PABPC4L: variants seen among roughly 807,000 people sequenced by gnomAD.
The protein encoded by PABPC4L is poly(A) binding protein cytoplasmic 4 like, also known as polyadenylate-binding protein 4-like.
For missense variants in PABPC4L, 452 were observed against 451.4 expected (o/e 1.00, Z -0.01); for synonymous variants, 169 against 164.1 (o/e 1.03, Z -0.23).
chr4:133,970,080 A>C, the PABPC4L span, among the ~76,000 whole-genome samples: 1 of 147,468 alleles, frequency 6.8e-6, no homozygotes, highest in East Asian at 1.9e-4. Context: ...TAAAAAATAT[A>C]TATATTTAAA....
the PABPC4L span, among the ~76,000 whole-genome samples, chr4:134,131,286 T>C: frequency 6.6e-6 from 1 of 151,968 alleles, no homozygotes; most frequent in Admixed American, 6.6e-5. Context: ...ATCATATACC[T>C]AGGAAATCCT....
chr4:133,975,379 T>C, the PABPC4L span, among the ~76,000 whole-genome samples: 1 of 152,000 alleles, frequency 6.6e-6, no homozygotes, highest in Non-Finnish European at 1.5e-5. Flanking sequence ...GGGTTTCTTT[T>C]TGGGTGATGA....
chr4:134,014,476 G>A, the PABPC4L span, among the ~76,000 whole-genome samples: 1 of 152,236 alleles, frequency 6.6e-6, no homozygotes, highest in East Asian at 1.9e-4. Context: ...ACCAGGCCAA[G>A]GAATGCCTGC....
the PABPC4L span, among the ~76,000 whole-genome samples, chr4:134,167,050 TA>T: frequency 6.6e-6 from 1 of 152,106 alleles, no homozygotes; most frequent in African/African-American, 2.4e-5. Context: ...ATTCCTATCC[TA>T]AAAAGTAATC....
the PABPC4L span, among the ~76,000 whole-genome samples, chr4:134,075,808 C>T: frequency 1.3e-5 from 2 of 152,046 alleles, no homozygotes; most frequent in Non-Finnish European, 2.9e-5. Flanking sequence ...TCTATAGCAT[C>T]TGCTGGAGCA....
the PABPC4L span, among the ~76,000 whole-genome samples, chr4:133,958,758 G>C: frequency 6.6e-6 from 1 of 152,150 alleles, no homozygotes; most frequent in African/African-American, 2.4e-5. Flanking sequence ...GATCTTTTGA[G>C]AATTCACTTA....
At chr4:133,963,303 C>T in the PABPC4L span, among the ~76,000 whole-genome samples, 4 of 152,140 alleles carry the variant, frequency 2.6e-5, no homozygotes, top group South Asian at 4.1e-4. Context: ...CAATCCTAAA[C>T]ATATATGCAC....
At chr4:133,964,586 T>G in the PABPC4L span, among the ~76,000 whole-genome samples, 3 of 152,180 alleles carry the variant, frequency 2.0e-5, no homozygotes, top group Non-Finnish European at 4.4e-5. Context: ...ACTAGCTAAC[T>G]GAATCCAACC....
At chr4:134,060,636 C>G in the PABPC4L span, among the ~76,000 whole-genome samples, 1 of 151,740 alleles carries the variant, frequency 6.6e-6, no homozygotes, top group African/African-American at 2.4e-5. Context: ...AGGACTCAGT[C>G]CTGGCAGGAC....
At chr4:133,971,186 C>T in the PABPC4L span, among the ~76,000 whole-genome samples, 1 of 140,590 alleles carries the variant, frequency 7.1e-6, no homozygotes, top group Non-Finnish European at 1.5e-5. Context: ...AATCTCGGCT[C>T]ACTGCAAGCT....
At chr4:134,122,528 A>G in the PABPC4L span, among the ~76,000 whole-genome samples, 4 of 151,862 alleles carry the variant, frequency 2.6e-5, no homozygotes, top group African/African-American at 7.2e-5. Flanking sequence ...AAATATGAAA[A>G]TTAGATCAAA....
At chr4:134,091,069 T>C in the PABPC4L span, among the ~76,000 whole-genome samples, 4 of 152,128 alleles carry the variant, frequency 2.6e-5, no homozygotes, top group Admixed American at 1.3e-4. Flanking sequence ...TTTGGGGTAG[T>C]ATTATTTTAA....
At chr4:134,052,863 A>G in the PABPC4L span, among the ~76,000 whole-genome samples, 2 of 152,130 alleles carry the variant, frequency 1.3e-5, no homozygotes, top group African/African-American at 4.8e-5. Flanking sequence ...TTTAAGTTTT[A>G]GTTTTATATT....
Position 134,200,699 on chromosome 4 carries a change from T to A in PABPC4L, c.321A>T (p.Lys107Asn), listed in dbSNP as rs1330090793. ...CATAAAGGGTTTTGTTATCGATAGA[T>A]TTGTCCAGATTCTTGATGAATACGT... Reference protein sequence around the residue: ...IGNVFIKNLDKSIDNKTLYEH... With the variant: ...IGNVFIKNLDNSIDNKTLYEH... The change falls in exon 2 of 2, where the codon AAA (lysine) becomes AAT (asparagine). Residue 107 changes from lysine (K) to asparagine (N), a missense_variant. Lys to Asn is a moderately conservative substitution (Grantham distance 94, BLOSUM62 0). Transcript: ENST00000421491. 6.4e-7 allele frequency: 1 copy of A among 1,551,516 alleles called. No individual in the cohort carries two copies. Among genetic ancestry groups the A allele is most frequent in the Non-Finnish European group, 8.7e-7 (1 of 1,146,968 alleles).
At chr4:133,980,628 G>A in the PABPC4L span, among the ~76,000 whole-genome samples, 1 of 152,066 alleles carries the variant, frequency 6.6e-6, no homozygotes, top group Non-Finnish European at 1.5e-5. Context: ...CATTTTATGA[G>A]ACATCGAAAT....
the PABPC4L span, among the ~76,000 whole-genome samples, chr4:134,122,968 A>G: frequency 2.0e-5 from 3 of 151,992 alleles, no homozygotes; most frequent in African/African-American, 7.2e-5. Context: ...AATTAGGAAT[A>G]CAGACAATTC....
the PABPC4L span, among the ~76,000 whole-genome samples, chr4:134,123,852 G>T: frequency 6.6e-6 from 1 of 151,696 alleles, no homozygotes; most frequent in Non-Finnish European, 1.5e-5. Context: ...AGGTGTAAAT[G>T]ATCTCCAGCC....
chr4:134,034,316 G>A, the PABPC4L span, among the ~76,000 whole-genome samples: 1 of 151,692 alleles, frequency 6.6e-6, no homozygotes, highest in Non-Finnish European at 1.5e-5. Flanking sequence ...AATGCATCTA[G>A]TCACCCGTGA....
chr4:134,045,705 C>T, the PABPC4L span, among the ~76,000 whole-genome samples: 9 of 152,076 alleles, frequency 5.9e-5, no homozygotes, highest in Non-Finnish European at 2.9e-5. Context: ...TTGCCGGTGC[C>T]GTCCTACTTA....
Sources: gnomAD v4.1 joint callset for allele counts (sites outside exome capture counted in the v4.1 genomes callset) on GRCh38, gnomAD v4.1.1 for gene constraint, MANE v1.5 for transcripts, NCBI Gene and HGNC (gene_info 2026-07-23, HGNC 2026-07-21) for gene names.